RALGAPA1: variants seen among roughly 807,000 people sequenced by gnomAD.
RALGAPA1 encodes Ral GTPase activating protein catalytic subunit alpha 1, also known as ral GTPase-activating protein subunit alpha-1.
In RALGAPA1, 52 loss-of-function variants were observed where a neutral mutation model predicts 269.6. The ratio of observed to expected loss-of-function variants is 0.19; its 90% CI spans 0.15 to 0.24. The LOEUF (loss-of-function observed/expected upper bound fraction) is 0.24, where lower values mean the gene tolerates loss of function less well. Among genes scored for constraint, RALGAPA1 ranks in the 10% least tolerant of loss-of-function variants. The pLI is 1.00. For synonymous variants in RALGAPA1, 817 were observed against 1,008.3 expected, an observed-to-expected ratio of 0.81 and a Z score of 3.60; for missense variants, 1,917 against 3,013.9, an observed-to-expected ratio of 0.64 and a Z score of 8.52.
intron 36 of RALGAPA1, among the ~76,000 whole-genome samples, chr14:35,599,746 C>T (rs2059158293): frequency 6.6e-6 from 1 of 152,074 alleles, no homozygotes; most frequent in Admixed American, 6.6e-5. Context: ...AGTGAGACTC[C>T]ACCTCAAAAC....
intron 4 of RALGAPA1, 60 bp downstream of exon 4, chr14:35,770,882 G>T: frequency 1.6e-6 from 1 of 606,328 alleles, no homozygotes; most frequent in Non-Finnish European, 2.7e-6. Context: ...ACCCATTAAA[G>T]AACATTTTTC....
At chr14:35,744,614 ATATT>A (rs2071876648) in intron 10 of RALGAPA1, among the ~76,000 whole-genome samples, 1 of 152,140 alleles carries the variant, frequency 6.6e-6, no homozygotes, top group African/African-American at 2.4e-5. Context: ...TATCAACAGA[ATATT>A]TATTGTTGTT....
At chr14:35,780,001 G>A (rs769562586) in intron 1 of RALGAPA1, among the ~76,000 whole-genome samples, 1 of 152,040 alleles carries the variant, frequency 6.6e-6, no homozygotes, top group African/African-American at 2.4e-5. Context: ...CAGCTACCAG[G>A]GAGGCTGAAG....
chr14:35,757,105 T>TTAA (rs1384525141), intron 6 of RALGAPA1, among the ~76,000 whole-genome samples, 197 bp from the exon 7 acceptor site: 1 of 133,450 alleles, frequency 7.5e-6, no homozygotes, highest in South Asian at 2.4e-4. Context: ...TATTTATTTA[T>TTAA]TATTATTATT....
chr14:35,696,201 TG>T (rs1196119851), intron 17 of RALGAPA1, among the ~76,000 whole-genome samples: 1 of 152,032 alleles, frequency 6.6e-6, no homozygotes, highest in African/African-American at 2.4e-5. Context: ...AAGACCAGCC[TG>T]GGCAACTTTA....
intron 1 of RALGAPA1, among the ~76,000 whole-genome samples, chr14:35,804,892 G>T (rs1007255330): frequency 1.3e-5 from 2 of 152,024 alleles, no homozygotes; most frequent in Non-Finnish European, 2.9e-5. Flanking sequence ...TTGCAACACG[G>T]TACTCCAGCC....
At chr14:35,612,697 C>T (rs960881576) in intron 35 of RALGAPA1, among the ~76,000 whole-genome samples, 2 of 151,952 alleles carry the variant, frequency 1.3e-5, no homozygotes, top group African/African-American at 2.4e-5. Flanking sequence ...CGCCACCACG[C>T]CCCGCTAATT....
intron 16 of RALGAPA1, among the ~76,000 whole-genome samples, chr14:35,715,114 C>T (rs917849982): frequency 1.3e-5 from 2 of 152,138 alleles, no homozygotes; most frequent in Non-Finnish European, 1.5e-5. Context: ...TCTATAGACT[C>T]ATAGCTTTAA....
rs563927870 is a variant in RALGAPA1 at position 35,609,247 on chromosome 14, C to CA, written c.6930-3539dup. 6.5e-3 allele frequency among the ~76,000 whole-genome samples: 949 copies of CA among 146,890 alleles called. 8 individuals carry two copies. Among genetic ancestry groups the CA allele is most frequent in the Non-Finnish European group, 8.3e-3 (548 of 66,250 alleles). On this transcript the variant is annotated intron_variant, in intron 35 of 41. Coordinates refer to ENST00000680220, the MANE Select transcript of RALGAPA1 (RefSeq NM_001346249.2). ...GTCTCAAAAAAAAAAAACCAAAAAA[C>CA]AAAAAAAAACAAGTCTTGATAAATT...
At chr14:35,789,448 C>T (rs1421835435) in intron 1 of RALGAPA1, among the ~76,000 whole-genome samples, 8 of 151,884 alleles carry the variant, frequency 5.3e-5, no homozygotes, top group Admixed American at 6.6e-5. Flanking sequence ...ACAAAATAGT[C>T]AGGGGTGGTG....
chr14:35,680,152 T>C (rs918893937), intron 21 of RALGAPA1, among the ~76,000 whole-genome samples: 5 of 152,206 alleles, frequency 3.3e-5, no homozygotes, highest in African/African-American at 9.6e-5. Flanking sequence ...TTTATCTCCA[T>C]GTATTGTTTT....
At chr14:35,629,538 C>G (rs1032621301) in intron 33 of RALGAPA1, among the ~76,000 whole-genome samples, 2 of 152,122 alleles carry the variant, frequency 1.3e-5, no homozygotes, top group African/African-American at 4.8e-5. Context: ...GAGTCTCGCT[C>G]TGTCTCCCAG....
At chr14:35,732,186 T>G (rs1387589176) in intron 12 of RALGAPA1, among the ~76,000 whole-genome samples, 1 of 152,138 alleles carries the variant, frequency 6.6e-6, no homozygotes, top group African/African-American at 2.4e-5. Context: ...AAACAAATGC[T>G]GAGAGAATTT....
intron 1 of RALGAPA1, among the ~76,000 whole-genome samples, chr14:35,777,406 A>T (rs2075119320): frequency 6.6e-6 from 1 of 152,182 alleles, no homozygotes; most frequent in African/African-American, 2.4e-5. Flanking sequence ...ACCTCTAGGG[A>T]GCATGACTAG....
intron 27 of RALGAPA1, 120 bp from the exon 28 acceptor site, chr14:35,659,316 A>C: frequency 1.8e-6 from 1 of 540,596 alleles, no homozygotes; most frequent in East Asian, 3.2e-5. Flanking sequence ...TTCAATAAAG[A>C]GACCAATATT....
chr14:35,795,814 CA>C (rs35882089), intron 1 of RALGAPA1, among the ~76,000 whole-genome samples: 22,160 of 122,206 alleles, frequency 0.18, 3,186 homozygotes, highest in East Asian at 0.41. Context: ...ATTTCTCTAC[CA>C]AAAAAAAAAA....
chr14:35,737,035 CAA>C (rs556177197), intron 12 of RALGAPA1, among the ~76,000 whole-genome samples: 7 of 57,252 alleles, frequency 1.2e-4, no homozygotes, highest in Admixed American at 6.0e-4. Context: ...GGCTCCATCT[CAA>C]AAAAAAAAAA....
rs974688185 is a variant in RALGAPA1 at position 35,631,561 on chromosome 14, T to C, written c.5995+3013A>G. On this transcript the variant is annotated intron_variant, in intron 33 of 41. Transcript: ENST00000680220. ...GTGACATACTTAAATAGATGACTCATTCTAAGCATTAAATCCTCTTTGCAT... is the reference window on the plus strand; with the variant it reads ...GTGACATACTTAAATAGATGACTCACTCTAAGCATTAAATCCTCTTTGCAT... Among the ~76,000 whole-genome samples the C allele has an allele frequency of 3.9e-5, 6 of 152,308 alleles. No homozygotes were observed. The East Asian group carries it at 1.2e-3, about 29-fold the overall frequency.
chr14:35,624,595 G>GA (rs376384595), intron 35 of RALGAPA1, among the ~76,000 whole-genome samples: 167 of 136,588 alleles, frequency 1.2e-3, no homozygotes, highest in Middle Eastern at 3.6e-3. Context: ...AGTACAAATA[G>GA]AAAAAAAAAA....
Sources: gnomAD v4.1 joint callset for allele counts (sites outside exome capture counted in the v4.1 genomes callset) on GRCh38, gnomAD v4.1.1 for gene constraint, MANE v1.5 for transcripts, NCBI Gene and HGNC (gene_info 2026-07-23, HGNC 2026-07-21) for gene names.